The following ABCA10 variants were observed in gnomAD, a reference collection of about 807,000 sequenced individuals.
ABCA10 encodes the protein ATP-binding cassette sub-family A member 10.
ABCA10 carries 169 observed loss-of-function variants against 187.5 expected under a neutral mutation model. The ratio of observed to expected loss-of-function variants is 0.90; its 90% CI spans 0.80 to 1.02. The LOEUF is 1.02. ABCA10 is among the 50% of genes least tolerant of loss of function. The pLI is 0.00. For missense variants in ABCA10, 1,727 were observed against 1,812.4 expected (o/e 0.95, Z 0.86); for synonymous variants, 574 against 601.8 (o/e 0.95, Z 0.68).
chr17:69,174,597 G>C lies in ABCA10; in HGVS notation c.3048+10C>G, dbSNP rs1172317100. On this transcript the variant is annotated intron_variant, in intron 24 of 38. Transcript: ENST00000690296. ...ATTATAATTGGCTTGTGGAAAAAAT[G>C]ATCACTTACCAAAACAAACATGAGT... The C allele has an allele frequency of 6.3e-7, 1 of 1,576,162 alleles. No individual in the cohort carries two copies. The highest frequency in any genetic ancestry group is 1.9e-5 in the Admixed American group (1 of 51,606).
At chr17:69,236,723 C>T (rs1323033842) in intron 1 of ABCA10, among the ~76,000 whole-genome samples, 1 of 152,068 alleles carries the variant, frequency 6.6e-6, no homozygotes, top group Non-Finnish European at 1.5e-5. Context: ...ATTTTGTCTT[C>T]CTCCCCCTAC....
rs1222057373 is a variant in ABCA10, at chr17:69,164,098, T to C, written c.3339A>G (p.Lys1113=). The C allele has an allele frequency of 1.3e-6, 2 of 1,586,542 alleles. No homozygotes were observed. The highest frequency in any genetic ancestry group is 1.9e-5 in the Admixed American group (1 of 53,710). ...SLDNRINEVN[K]TILLTTLIPY... ...CTATTAAGGTTGTTAAAAGAATGGT[T>C]TTATTGACTTCATTTATTCTATTGT... is the stretch of plus-strand genomic sequence containing the variant. Residue 1113 remains lysine (K), a synonymous_variant, in exon 27 of 39, where the codon AAA becomes AAG. Transcript: ENST00000690296.
rs1445803743 is a variant in ABCA10, at chr17:69,228,740, G to A, written c.-472C>T. 1 of 151,974 alleles carries A rather than the reference G, an allele frequency of 6.6e-6. No individual in the cohort carries two copies. The highest frequency in any genetic ancestry group is 2.4e-5 in the African/African-American group (1 of 41,432). The allele number at this position is 151,974 out of a possible 1,614,324, so 9.4% of individuals were successfully genotyped here. ...TGGCTTCTGAAAAGCCATGGTCTGT[G>A]TGTAGAACATGCCAACAAATTCTGT... On this transcript the variant is annotated 5_prime_UTR_variant, in exon 1 of 39. Transcript: ENST00000690296.
chr17:69,176,925 C>A (rs1268180283), intron 22 of ABCA10, among the ~76,000 whole-genome samples: 1 of 152,066 alleles, frequency 6.6e-6, no homozygotes, highest in Non-Finnish European at 1.5e-5. Context: ...TAAAGAGATA[C>A]CTTTTTTCTC....
At chr17:69,193,021 G>T in intron 15 of ABCA10, 89 bp downstream of exon 15, 2 of 1,489,186 alleles carry the variant, frequency 1.3e-6, no homozygotes, top group Non-Finnish European at 1.8e-6. Flanking sequence ...CTGCAAACAA[G>T]ATTTTCTTCT....
intron 18 of ABCA10, among the ~76,000 whole-genome samples, chr17:69,188,289 G>C (rs1167627742): frequency 6.6e-6 from 1 of 152,010 alleles, no homozygotes; most frequent in Non-Finnish European, 1.5e-5. Context: ...TCAGTAACGA[G>C]TTCAAGACAT....
rs756631105 is a variant in ABCA10 at position 69,174,389 on chromosome 17, T to C, written c.3054A>G (p.Val1018=). Residue 1018 remains valine, a synonymous_variant, in exon 25 of 39, where the codon GTA becomes GTG. Coordinates refer to ENST00000690296, the MANE Select transcript of ABCA10 (RefSeq NM_001377321.1). ...LSWELMFVLV[V]CIIGCAVSLI... ...GAGAAACTGCACAACCAATTATGCA[T>C]ACCACCTGCAAATAATGAGGATCAA... is the stretch of plus-strand genomic sequence containing the variant. 5 of 1,584,914 alleles carry C rather than the reference T, an allele frequency of 3.2e-6. No homozygotes were observed. The highest frequency in any genetic ancestry group is 2.7e-5 in the African/African-American group (2 of 73,140).
At chr17:69,237,805 A>C (rs1461118885) in intron 1 of ABCA10, among the ~76,000 whole-genome samples, 4 of 152,186 alleles carry the variant, frequency 2.6e-5, no homozygotes. Flanking sequence ...CAAGACATTC[A>C]CAGGGAAGAC....
In ABCA10 at chr17:69,191,173, T is replaced by A; in HGVS notation, c.2011+3A>T. Reference sequence around the variant, plus strand: ...TATTCTATGTGATTACACAGTAAGTTACCTGGAAATTTGTTCGTTTTTTCC... The same window carrying A: ...TATTCTATGTGATTACACAGTAAGTAACCTGGAAATTTGTTCGTTTTTTCC... On this transcript the variant is annotated splice_donor_region_variant and intron_variant, in intron 17 of 38. Transcript: ENST00000690296. 6.3e-7 allele frequency: 1 copy of A among 1,589,680 alleles called. No individual in the cohort carries two copies. The highest frequency in any genetic ancestry group is 8.6e-7 in the Non-Finnish European group (1 of 1,166,908).
chr17:69,216,089 T>G, intron 7 of ABCA10, 89 bp from the exon 8 acceptor site: 7 of 1,555,010 alleles, frequency 4.5e-6, no homozygotes. Flanking sequence ...TGTCAAAAAT[T>G]TTCTCAAAAC....
rs777272556 is a variant in ABCA10, at chr17:69,219,650, A to T, written c.425T>A (p.Val142Asp). Residue 142 changes from valine (V) to aspartate (D), a missense_variant, in exon 6 of 39, where the codon GTT (valine) becomes GAT (aspartate). Physicochemically the swap from Val to Asp is radical, Grantham distance 152. Transcript: ENST00000690296. ...AAAGTATATAAAAGAAGAGAAAGAA[A>T]CTAAGCAAGTAAAATGAAACCATTC... The part of the protein sequence containing the change: ...MNEWFHFTCL[V>D]SFSSFIYFAS... The T allele has an allele frequency of 3.1e-6, 5 of 1,611,310 alleles. No individual in the cohort carries two copies. The highest frequency in any genetic ancestry group is 1.6e-4 in the Middle Eastern group (1 of 6,074).
chr17:69,150,017 G>A lies in ABCA10; in HGVS notation c.4444C>T (p.Pro1482Ser). Residue 1482 changes from proline to serine, a missense_variant, in exon 37 of 39, where the codon CCT (proline) becomes TCT (serine). Pro to Ser is a moderately conservative substitution (Grantham distance 74, BLOSUM62 -1). Transcript: ENST00000690296. ...AYKLPVEDVH[P>S]LSRAFFKLEA... Reference sequence around the variant, plus strand: ...AACTTGAAAAAGGCCCGAGATAGAGGGTGGACATCCTCCACAGGTAACTTA... The same window carrying A: ...AACTTGAAAAAGGCCCGAGATAGAGAGTGGACATCCTCCACAGGTAACTTA... 6.2e-7 allele frequency: 1 copy of A among 1,613,064 alleles called. No homozygotes were observed. The highest frequency in any genetic ancestry group is 8.5e-7 in the Non-Finnish European group (1 of 1,179,398).
intron 36 of ABCA10, 128 bp downstream of exon 36, chr17:69,151,915 A>T: frequency 7.2e-7 from 1 of 1,397,700 alleles, no homozygotes; most frequent in Non-Finnish European, 9.6e-7. Context: ...AGCAATCCTC[A>T]AACAGGTTGT....
At chr17:69,232,478 C>T (rs1011199173), upstream of ABCA10, among the ~76,000 whole-genome samples, 1 of 151,988 alleles carries the variant, frequency 6.6e-6, no homozygotes, top group Non-Finnish European at 1.5e-5. Context: ...ACTTTGATAG[C>T]AAAGGAAAAA....
At chr17:69,200,879 A>AT (rs1238118307) in intron 10 of ABCA10, among the ~76,000 whole-genome samples, 1 of 152,048 alleles carries the variant, frequency 6.6e-6, no homozygotes, top group Non-Finnish European at 1.5e-5. Flanking sequence ...TGCCTGGCTA[A>AT]TTTTTGTATT....
At chr17:69,162,190 A>G (rs927560324) in intron 27 of ABCA10, among the ~76,000 whole-genome samples, 2 of 152,212 alleles carry the variant, frequency 1.3e-5, no homozygotes, top group African/African-American at 2.4e-5. Flanking sequence ...TTTTAAACAC[A>G]TGGGATCGAG....
chr17:69,175,725 A>G (rs2074329791), intron 22 of ABCA10: 1 of 393,322 alleles, frequency 2.5e-6, no homozygotes, highest in South Asian at 3.0e-5. Context: ...TCTCAATTTT[A>G]TATGTATATA....
At chr17:69,159,770 TAAATA>T (rs1238125309) in intron 27 of ABCA10, among the ~76,000 whole-genome samples, 2 of 152,092 alleles carry the variant, frequency 1.3e-5, no homozygotes, top group Admixed American at 1.3e-4. Flanking sequence ...GACAATAAAA[TAAATA>T]AATCAGCTAT....
intron 1 of ABCA10, among the ~76,000 whole-genome samples, chr17:69,236,727 C>T (rs939870658): frequency 6.6e-6 from 1 of 152,070 alleles, no homozygotes; most frequent in Admixed American, 6.5e-5. Context: ...TGTCTTCCTC[C>T]CCCTACCCCC....
Sources: allele counts gnomAD v4.1 joint callset (sites outside exome capture counted in the v4.1 genomes callset), GRCh38; gene constraint gnomAD v4.1.1; transcripts MANE v1.5; gene names NCBI Gene and HGNC (gene_info 2026-07-23, HGNC 2026-07-21).